The following SDK1 variants were observed in gnomAD, a reference collection of about 807,000 sequenced individuals.
SDK1 encodes protein sidekick-1.
SDK1 carries 157 observed loss-of-function variants against 245.5 expected under a neutral mutation model. The observed-to-expected ratio is 0.64, with a 90% CI of 0.56 to 0.73. The LOEUF (loss-of-function observed/expected upper bound fraction) is 0.73. SDK1 is among the 30% of genes least tolerant of loss of function. The probability of loss-of-function intolerance (pLI) is 0.00; values close to 1 mark genes in which losing one functional copy is unlikely to be tolerated. For missense variants in SDK1, 3,583 were observed against 3,002.3 expected (o/e 1.19, Z -4.52); for synonymous variants, 1,647 against 1,278.5 (o/e 1.29, Z -6.15).
intron 1 of SDK1, among the ~76,000 whole-genome samples, chr7:3,462,234 C>A (rs1241731961): frequency 1.3e-5 from 2 of 152,120 alleles, no homozygotes; most frequent in Non-Finnish European, 2.9e-5. Context: ...TCACCGCTTG[C>A]CGCTCTATCG....
intron 4 of SDK1, among the ~76,000 whole-genome samples, chr7:3,815,417 T>G (rs1236981846): frequency 6.8e-6 from 1 of 146,668 alleles, no homozygotes; most frequent in Non-Finnish European, 1.5e-5. Flanking sequence ...GGATTACATT[T>G]ATTGATTTGC....
chr7:3,855,093 G>A (rs117179178), intron 5 of SDK1, among the ~76,000 whole-genome samples: 1,763 of 152,110 alleles, frequency 0.012, 26 homozygotes, highest in East Asian at 0.038. Context: ...CTAAGAGAGA[G>A]GTCACTTTTC....
rs576923909 is a variant in SDK1 at position 3,346,324 on chromosome 7, C to A, written c.298+44440C>A. Among the ~76,000 whole-genome samples the A allele has an allele frequency of 1.1e-3, 162 of 152,148 alleles. 1 individual carries two copies. Among genetic ancestry groups the A allele is most frequent in the African/African-American group, 3.7e-3 (154 of 41,486 alleles). ...CCTTCACTGAGAGGTGTCACCTGGG[C>A]TAGTGGAGCTCCTGTGAGCCTCCGT... On this transcript the variant is annotated intron_variant, in intron 1 of 44. Coordinates refer to ENST00000404826, the MANE Select transcript of SDK1 (RefSeq NM_152744.4).
chr7:3,440,075 T>G (rs1780150801), intron 1 of SDK1, among the ~76,000 whole-genome samples: 1 of 152,176 alleles, frequency 6.6e-6, no homozygotes. Flanking sequence ...GTAGTTTCAG[T>G]CACCTGTGGT....
chr7:4,263,397 G>C (rs1415253615), intron 44 of SDK1, among the ~76,000 whole-genome samples: 1 of 151,076 alleles, frequency 6.6e-6, no homozygotes, highest in East Asian at 2.0e-4. Context: ...AGGCCACCTA[G>C]ATCTTTGCTG....
At chr7:3,619,980 C>T (rs1781884914) in intron 2 of SDK1, among the ~76,000 whole-genome samples, 2 of 152,198 alleles carry the variant, frequency 1.3e-5, no homozygotes, top group African/African-American at 4.8e-5. Context: ...ATATTACATG[C>T]TGCAGTTCTG....
intron 1 of SDK1, among the ~76,000 whole-genome samples, chr7:3,419,522 G>A (rs1375632392): frequency 1.3e-5 from 2 of 152,136 alleles, no homozygotes; most frequent in African/African-American, 4.8e-5. Context: ...TTGCTGTTTC[G>A]AAAGTATTGA....
intron 1 of SDK1, among the ~76,000 whole-genome samples, chr7:3,362,147 C>G (rs1780969544): frequency 2.6e-5 from 4 of 152,156 alleles, no homozygotes. Context: ...TGATAAATAA[C>G]TCTTACTGTA....
intron 20 of SDK1, among the ~76,000 whole-genome samples, chr7:4,070,840 G>T (rs1027331649): frequency 2.6e-5 from 4 of 151,914 alleles, no homozygotes; most frequent in Non-Finnish European, 5.9e-5. Context: ...CTCCCGAGTA[G>T]TTGGAACTAC....
intron 5 of SDK1, among the ~76,000 whole-genome samples, chr7:3,848,105 A>T (rs532425472): frequency 6.6e-6 from 1 of 152,368 alleles, no homozygotes; most frequent in East Asian, 1.9e-4. Flanking sequence ...TAAAAAACAA[A>T]TTCCATCTCG....
chr7:3,896,840 T>C lies in SDK1; in HGVS notation c.848-54083T>C, dbSNP rs191540276. Among the ~76,000 whole-genome samples the C allele has an allele frequency of 4.3e-3, 658 of 152,300 alleles. 8 individuals are homozygous for C. The highest frequency in any genetic ancestry group is 0.015 in the African/African-American group (638 of 41,540). ...ACTTAATTGTAGCAAAATATACATG[T>C]ATTAGTTTGTTTTCACACTGCTATA... On this transcript the variant is annotated intron_variant, in intron 5 of 44. Coordinates refer to ENST00000404826, the MANE Select transcript of SDK1 (RefSeq NM_152744.4).
chr7:3,828,313 A>T (rs185138985), intron 5 of SDK1, among the ~76,000 whole-genome samples: 9 of 151,976 alleles, frequency 5.9e-5, no homozygotes, highest in Non-Finnish European at 1.0e-4. Context: ...ATAAATTACT[A>T]TATGACTTTT....
chr7:4,158,207 C>G (rs1435549073), intron 30 of SDK1, among the ~76,000 whole-genome samples: 1 of 152,206 alleles, frequency 6.6e-6, no homozygotes, highest in African/African-American at 2.4e-5. Flanking sequence ...TCCAGGTGTT[C>G]AAAGGCTTCT....
chr7:4,155,837 T>A (rs1780695795), intron 30 of SDK1, among the ~76,000 whole-genome samples: 1 of 152,120 alleles, frequency 6.6e-6, no homozygotes, highest in African/African-American at 2.4e-5. Flanking sequence ...GCCGACTCGG[T>A]CCCTGTCCTT....
At chr7:4,200,402 C>G (rs1372926995) in intron 35 of SDK1, among the ~76,000 whole-genome samples, 1 of 152,246 alleles carries the variant, frequency 6.6e-6, no homozygotes, top group East Asian at 1.9e-4. Context: ...GTATAGCAAC[C>G]TAAAACAACA....
intron 5 of SDK1, among the ~76,000 whole-genome samples, chr7:3,823,059 G>C (rs1163964397): frequency 6.6e-6 from 1 of 152,106 alleles, no homozygotes; most frequent in Non-Finnish European, 1.5e-5. Context: ...AGGATGAGTG[G>C]GGTCTTTGTG....
chr7:3,439,218 G>A (rs764790870), intron 1 of SDK1, among the ~76,000 whole-genome samples: 2 of 152,120 alleles, frequency 1.3e-5, no homozygotes, highest in Non-Finnish European at 2.9e-5. Context: ...GTGGTGGTTA[G>A]ACACAATATA....
At chr7:3,390,804 G>C (rs1465477016) in intron 1 of SDK1, among the ~76,000 whole-genome samples, 1 of 152,276 alleles carries the variant, frequency 6.6e-6, no homozygotes, top group East Asian at 1.9e-4. Flanking sequence ...CTTGATCTTG[G>C]ACTTCTGGCC....
chr7:3,458,470 G>T (rs375828085), intron 1 of SDK1, among the ~76,000 whole-genome samples: 19 of 151,504 alleles, frequency 1.3e-4, no homozygotes, highest in Non-Finnish European at 2.1e-4. Flanking sequence ...CTTCAAATTT[G>T]TTTCCCTCTT....
Sources: gnomAD v4.1 joint callset for allele counts (sites outside exome capture counted in the v4.1 genomes callset) on GRCh38, gnomAD v4.1.1 for gene constraint, MANE v1.5 for transcripts, NCBI Gene and HGNC (gene_info 2026-07-23, HGNC 2026-07-21) for gene names.